MYO3B: variants seen among roughly 807,000 people sequenced by gnomAD.
MYO3B encodes myosin IIIB, also known as myosin-IIIb.
In MYO3B, 156 loss-of-function variants were observed where a neutral mutation model predicts 174.6. The ratio of observed to expected loss-of-function variants is 0.89; its 90% CI spans 0.78 to 1.02. The LOEUF is 1.02. MYO3B is among the 50% of genes least tolerant of loss of function. The pLI is 0.00. For synonymous variants in MYO3B, 563 were observed against 569.1 expected, an observed-to-expected ratio of 0.99 and a Z score of 0.15; for missense variants, 1,632 against 1,639.4, an observed-to-expected ratio of 1.00 and a Z score of 0.08.
At chr2:170,241,043 C>T (rs2093126099) in intron 7 of MYO3B, among the ~76,000 whole-genome samples, 1 of 152,150 alleles carries the variant, frequency 6.6e-6, no homozygotes. Flanking sequence ...AAAGTTGTAT[C>T]TCCCGTGTCA....
In MYO3B at chr2:170,544,486, G is replaced by A. The variant is rs567389935; in HGVS notation, c.3733+498G>A. Among the ~76,000 whole-genome samples, 4 of 152,280 alleles carry A rather than the reference G, an allele frequency of 2.6e-5. No individual in the cohort carries two copies. The East Asian group carries it at 5.8e-4, about 22-fold the overall frequency. The stretch of plus-strand genomic sequence containing the variant: ...GTAAAAGTCAGTTTCAGGTTTGCAT[G>A]CAGCTAAAACCAGTGCTTCTGGAAA... On this transcript the variant is annotated intron_variant, in intron 32 of 34. Coordinates refer to ENST00000408978, the MANE Select transcript of MYO3B (RefSeq NM_138995.5).
intron 32 of MYO3B, among the ~76,000 whole-genome samples, chr2:170,594,514 T>A (rs186536738): frequency 1.3e-5 from 2 of 152,156 alleles, no homozygotes; most frequent in Non-Finnish European, 2.9e-5. Flanking sequence ...TTTCTGTCAT[T>A]TGCAGCTAAC....
chr2:170,517,374 GA>G (rs1254262218), intron 29 of MYO3B, among the ~76,000 whole-genome samples: 2 of 152,188 alleles, frequency 1.3e-5, no homozygotes, highest in African/African-American at 4.8e-5. Context: ...ACCAGGTAAA[GA>G]TATTGCTTCC....
intron 32 of MYO3B, among the ~76,000 whole-genome samples, chr2:170,547,630 GC>G (rs1442773345): frequency 6.6e-6 from 1 of 152,128 alleles, no homozygotes; most frequent in Non-Finnish European, 1.5e-5. Context: ...TTTATAAAAG[GC>G]CAGTTTTTGG....
intron 7 of MYO3B, among the ~76,000 whole-genome samples, chr2:170,281,711 A>C (rs2093512302): frequency 6.6e-6 from 1 of 152,184 alleles, no homozygotes; most frequent in East Asian, 1.9e-4. Flanking sequence ...AGTCAACCCC[A>C]AAGCTAGCAG....
intron 23 of MYO3B, among the ~76,000 whole-genome samples, chr2:170,452,736 T>A (rs1388866073): frequency 6.6e-6 from 1 of 152,198 alleles, no homozygotes; most frequent in African/African-American, 2.4e-5. Flanking sequence ...ACAGTTTCTT[T>A]ATTTACAAGA....
In MYO3B at chr2:170,496,127, A is replaced by G. The variant is rs112842069; in HGVS notation, c.3015-2465A>G. Among the ~76,000 whole-genome samples, 36 of 152,336 alleles carry G rather than the reference A, an allele frequency of 2.4e-4. 1 individual carries two copies. The highest frequency in any genetic ancestry group is 7.5e-4 in the African/African-American group (31 of 41,574). On this transcript the variant is annotated intron_variant, in intron 25 of 34. Transcript: ENST00000408978. ...TGGCTACTGTTCAGGTTCAGAGAGC[A>G]CTGCCCCTCCTCCCCAAAGGTGGAA... is the stretch of plus-strand genomic sequence containing the variant.
intron 34 of MYO3B, 69 bp from the exon 35 acceptor site, chr2:170,652,904 ATGACTTTAGC>A: frequency 1.3e-6 from 2 of 1,544,636 alleles, no homozygotes; most frequent in Non-Finnish European, 1.8e-6. Context: ...AGCTACTCAC[ATGACTTTAGC>A]TGCCCCAGTG....
chr2:170,625,665 T>C (rs12616422), intron 32 of MYO3B, among the ~76,000 whole-genome samples: 19,780 of 152,278 alleles, frequency 0.13, 1,464 homozygotes, highest in East Asian at 0.32. Flanking sequence ...ATTTTAGATC[T>C]TTCCTGCTTT....
At chr2:170,265,489 C>G (rs1015290070) in intron 7 of MYO3B, among the ~76,000 whole-genome samples, 5 of 152,168 alleles carry the variant, frequency 3.3e-5, no homozygotes, top group African/African-American at 1.2e-4. Context: ...AATTCCCATG[C>G]CAAGATTTGA....
At chr2:170,269,740 T>C (rs1053436375) in intron 7 of MYO3B, among the ~76,000 whole-genome samples, 1 of 152,134 alleles carries the variant, frequency 6.6e-6, no homozygotes, top group Non-Finnish European at 1.5e-5. Context: ...TTCTGTGGAA[T>C]AAAATGCATC....
At chr2:170,184,856 G>A (rs1216071104) in intron 1 of MYO3B, among the ~76,000 whole-genome samples, 1 of 151,984 alleles carries the variant, frequency 6.6e-6, no homozygotes, top group Non-Finnish European at 1.5e-5. Context: ...ATTTGTTATT[G>A]CTTAGTTTTT....
At chr2:170,529,382 G>A (rs78717450) in intron 30 of MYO3B, among the ~76,000 whole-genome samples, 1,946 of 151,564 alleles carry the variant, frequency 0.013, 41 homozygotes, top group African/African-American at 0.044. Flanking sequence ...AAAAATTTCA[G>A]TCTCCCTTAG....
intron 1 of MYO3B, among the ~76,000 whole-genome samples, chr2:170,183,559 G>A (rs1226982150): frequency 1.3e-5 from 2 of 152,022 alleles, no homozygotes; most frequent in Admixed American, 6.6e-5. Flanking sequence ...TTTATACTCA[G>A]CTCCTCAATG....
intron 32 of MYO3B, among the ~76,000 whole-genome samples, chr2:170,569,172 C>G (rs1692261703): frequency 6.6e-6 from 1 of 152,146 alleles, no homozygotes; most frequent in Non-Finnish European, 1.5e-5. Context: ...GACCTCAATA[C>G]TACTCCAGGG....
intron 12 of MYO3B, among the ~76,000 whole-genome samples, chr2:170,384,072 A>C (rs1397403155): frequency 6.6e-6 from 1 of 152,200 alleles, no homozygotes; most frequent in Non-Finnish European, 1.5e-5. Flanking sequence ...ATATAATAAA[A>C]ATGTCTCTAA....
At position 170,404,338 on chromosome 2, in the gene MYO3B, GACTGCTTGC is replaced by G. The variant is rs767010031; in HGVS notation, c.2373_2381del (p.Ala793_Leu795del). The stretch of plus-strand genomic sequence containing the variant: ...GACATGTTCCTCCAGAAACCCCTGG[GACTGCTTGC>G]ACTTTTGGATGAGGAAAGTCGGTTT... On this transcript the variant is annotated inframe_deletion, in exon 20 of 35. Transcript: ENST00000408978. 1 of 1,613,920 alleles carries G rather than the reference GACTGCTTGC, an allele frequency of 6.2e-7. No homozygotes were observed. Among genetic ancestry groups the G allele is most frequent in the Non-Finnish European group, 8.5e-7 (1 of 1,179,918 alleles).
chr2:170,258,835 AG>A (rs1441921468), intron 7 of MYO3B, among the ~76,000 whole-genome samples: 3 of 152,174 alleles, frequency 2.0e-5, no homozygotes, highest in Non-Finnish European at 4.4e-5. Flanking sequence ...TCCACCTAAA[AG>A]GCTCCTAGAA....
At chr2:170,457,494 T>G (rs185313203) in intron 23 of MYO3B, among the ~76,000 whole-genome samples, 1 of 152,190 alleles carries the variant, frequency 6.6e-6, no homozygotes, top group Non-Finnish European at 1.5e-5. Flanking sequence ...CTTTTATTTT[T>G]AAAATTTTTT....
Sources: gnomAD v4.1 joint callset for allele counts (sites outside exome capture counted in the v4.1 genomes callset) on GRCh38, gnomAD v4.1.1 for gene constraint, MANE v1.5 for transcripts, NCBI Gene and HGNC (gene_info 2026-07-23, HGNC 2026-07-21) for gene names.